Variants in CRACDL observed in about 807,000 individuals in gnomAD.
The protein encoded by CRACDL is CRACD-like protein.
A neutral mutation model predicts 70.6 loss-of-function variants in CRACDL; 26 were observed. That is an observed-to-expected ratio of 0.37 (90% CI 0.27 to 0.51). The LOEUF (loss-of-function observed/expected upper bound fraction) is 0.51, where lower values mean the gene tolerates loss of function less well. CRACDL is among the 20% of genes least tolerant of loss of function. The pLI, the probability that CRACDL is intolerant of heterozygous loss-of-function variation, is 0.94. For missense variants in CRACDL, 1,283 were observed against 1,376.9 expected (o/e 0.93, Z 1.08); for synonymous variants, 618 against 615.2 (o/e 1.00, Z -0.07).
chr2:98,911,595 G>A (rs572926827), intron 1 of CRACDL, among the ~76,000 whole-genome samples: 5 of 152,170 alleles, frequency 3.3e-5, no homozygotes, highest in Admixed American at 1.3e-4. Flanking sequence ...GAAGGGAGGC[G>A]CCTGAAGGAC....
intron 1 of CRACDL, among the ~76,000 whole-genome samples, chr2:98,927,394 C>G (rs1486312916): frequency 6.6e-6 from 1 of 152,150 alleles, no homozygotes; most frequent in African/African-American, 2.4e-5. Context: ...GTCCTGAATT[C>G]CCTGCACTAA....
chr2:98,858,555 C>T (rs1027721853), intron 1 of CRACDL, among the ~76,000 whole-genome samples: 2 of 149,480 alleles, frequency 1.3e-5, no homozygotes, highest in Admixed American at 6.7e-5. Context: ...TCTCAAATCG[C>T]TATCATAACT....
chr2:98,812,079 G>A (rs1050244042), intron 7 of CRACDL, among the ~76,000 whole-genome samples: 6 of 152,172 alleles, frequency 3.9e-5, no homozygotes, highest in South Asian at 2.1e-4. Flanking sequence ...GGGTTCAAGC[G>A]ATTCTCCTGC....
intron 1 of CRACDL, among the ~76,000 whole-genome samples, chr2:98,899,641 A>T (rs1708214482): frequency 6.6e-6 from 1 of 152,232 alleles, no homozygotes; most frequent in Non-Finnish European, 1.5e-5. Context: ...TGGAGTGAAA[A>T]AAAAAGGCAT....
At chr2:98,891,598 T>C (rs1424616573) in intron 1 of CRACDL, among the ~76,000 whole-genome samples, 3 of 152,094 alleles carry the variant, frequency 2.0e-5, no homozygotes, top group Non-Finnish European at 4.4e-5. Flanking sequence ...AGTGAAACAA[T>C]AGCAATCTAA....
Position 98,832,992 on chromosome 2 carries a change from G to C in CRACDL, c.245C>G (p.Ser82Trp). The C allele has an allele frequency of 6.2e-7, 1 of 1,612,114 alleles. No individual in the cohort carries two copies. The highest frequency in any genetic ancestry group is 1.7e-5 in the Admixed American group (1 of 59,656). Residue 82 changes from serine (S) to tryptophan (W), a missense_variant, in exon 4 of 10, where the codon TCG (serine) becomes TGG (tryptophan). Coordinates refer to ENST00000397899, the MANE Select transcript of CRACDL (RefSeq NM_207362.3). ...GYDSEDELEE[S>W]RGTLGSRALS... ...GGCCCGGCTGCCCAGCGTGCCCCTC[G>C]ACTCCCTAGGATAAAAGAGCCACTG...
rs941927576 is a variant in CRACDL at position 98,795,975 on chromosome 2, C to G, written c.2749+145G>C. On this transcript the variant is annotated intron_variant, in intron 9 of 9. Transcript: ENST00000397899. ...ACTAAAATGGATGAGTTTTATGACA[C>G]GTAAATTGTATCTCCGTAAGAGCTG... The G allele has an allele frequency of 1.5e-5, 11 of 756,150 alleles. No homozygotes were observed. In the Admixed American group the frequency reaches 2.2e-4, roughly 15 times the overall value. The allele number at this position is 756,150 out of a possible 1,614,324, so 46.8% of individuals were successfully genotyped here.
intron 5 of CRACDL, among the ~76,000 whole-genome samples, chr2:98,831,990 A>C (rs574507763): frequency 1.6e-4 from 24 of 152,056 alleles, no homozygotes; most frequent in Non-Finnish European, 3.2e-4. Context: ...CACCGGCCAA[A>C]TGTCATGGCA....
At chr2:98,900,329 A>T (rs1299188808) in intron 1 of CRACDL, among the ~76,000 whole-genome samples, 2 of 100,778 alleles carry the variant, frequency 2.0e-5, no homozygotes, top group Admixed American at 2.6e-4. Context: ...AGGGGGACAA[A>T]GGCTCAGTAG....
intron 1 of CRACDL, among the ~76,000 whole-genome samples, chr2:98,887,875 A>G (rs1707841017): frequency 1.3e-5 from 2 of 152,264 alleles, no homozygotes; most frequent in Non-Finnish European, 2.9e-5. Flanking sequence ...AATACTGTGG[A>G]CCAAGAACAC....
In CRACDL at chr2:98,822,656, G is replaced by A; in HGVS notation, c.1617C>T (p.Arg539=). The A allele has an allele frequency of 7.7e-7, 1 of 1,293,464 alleles. No individual in the cohort carries two copies. The highest frequency in any genetic ancestry group is 2.4e-5 in the South Asian group (1 of 42,132). The allele number at this position is 1,293,464 out of a possible 1,614,324, so 80.1% of individuals were successfully genotyped here. A position where few individuals can be genotyped will look rare whatever the true frequency, so the allele number is the denominator to read the frequency against. The part of the protein sequence containing the change: ...SLDAEAAAPE[R]PKAERAEAPP... Reference sequence around the variant, plus strand: ...GCGCCTCGGCTCGCTCGGCCTTGGGGCGCTCCGGGGCGGCGGCCTCTGCGT... The same window carrying A: ...GCGCCTCGGCTCGCTCGGCCTTGGGACGCTCCGGGGCGGCGGCCTCTGCGT... The change falls in exon 7 of 10, where the codon CGC becomes CGT. Residue 539 remains arginine, a synonymous_variant. Coordinates refer to ENST00000397899, the MANE Select transcript of CRACDL (RefSeq NM_207362.3). This position sits in a 1 kb window ranked among gnomAD's most constrained non-coding sequence, Gnocchi z 4.9.
chr2:98,869,065 T>C, intron 1 of CRACDL: 1 of 1,301,784 alleles, frequency 7.7e-7, no homozygotes, highest in Non-Finnish European at 1.0e-6. Flanking sequence ...CTCTTTGCTC[T>C]CAGAGGGCCC....
In CRACDL at chr2:98,794,305, TG is replaced by T; in HGVS notation, c.*226del. ...ACCTTTGGGCACAGGAACTGGTTCC[TG>T]GACTTTTTCAATGTTGTTCTTGTTT... On this transcript the variant is annotated 3_prime_UTR_variant, in exon 10 of 10. Coordinates refer to ENST00000397899, the MANE Select transcript of CRACDL (RefSeq NM_207362.3). The T allele has an allele frequency of 2.3e-6, 1 of 437,422 alleles. No individual in the cohort carries two copies. 27.1% of individuals were successfully genotyped at this position (437,422 alleles called of 1,614,324 possible).
Position 98,797,385 on chromosome 2 carries a change from G to T in CRACDL, c.2569C>A (p.Pro857Thr). Residue 857 changes from proline (P) to threonine (T), a missense_variant, in exon 8 of 10, where the codon CCA becomes ACA. By Grantham distance (38) the Pro-to-Thr change is conservative. Transcript: ENST00000397899. ...KPGARTLKSE[P>T]GKQAKVPERG... ...TCGGGCACCTTGGCTTGCTTTCCTG[G>T]TTCAGACTTCAGGGTCCGTGCCCCA... 1 of 1,614,148 alleles carries T rather than the reference G, an allele frequency of 6.2e-7. No homozygotes were observed. The highest frequency in any genetic ancestry group is 8.5e-7 in the Non-Finnish European group (1 of 1,180,036).
intron 7 of CRACDL, among the ~76,000 whole-genome samples, chr2:98,810,251 A>C (rs1704499445): frequency 6.6e-6 from 1 of 152,206 alleles, no homozygotes; most frequent in Non-Finnish European, 1.5e-5. Context: ...AGCTGGTATC[A>C]GGGGCGGGGC....
Position 98,823,233 on chromosome 2 carries a change from G to A in CRACDL, c.1040C>T (p.Ala347Val), listed in dbSNP as rs779205825. Residue 347 changes from alanine to valine, a missense_variant, in exon 7 of 10, where the codon GCC becomes GTC. Coordinates refer to ENST00000397899, the MANE Select transcript of CRACDL (RefSeq NM_207362.3). The surrounding 1 kb of genome is among the most constrained non-coding windows in gnomAD (Gnocchi z 4.0). ...CGGGGGCTCCACGCGGAGAGTGGGG[G>A]CCGACTCGGGCTCGGCGAGCTCCGG... ...ATPELAEPES[A>V]PTLRVEPPSP... 1.1e-4 allele frequency: 151 copies of A among 1,406,754 alleles called. No homozygotes were observed. The East Asian group carries it at 2.8e-3, about 26-fold the overall frequency. The allele number at this position is 1,406,754 out of a possible 1,614,324, so 87.1% of individuals were successfully genotyped here.
At chr2:98,882,227 A>T (rs1707672288) in intron 1 of CRACDL, among the ~76,000 whole-genome samples, 1 of 152,242 alleles carries the variant, frequency 6.6e-6, no homozygotes, top group South Asian at 2.1e-4. Flanking sequence ...TACTCAGGGC[A>T]CTACTGAACA....
At chr2:98,869,592 G>A (rs1271218288) in intron 1 of CRACDL, among the ~76,000 whole-genome samples, 1 of 152,216 alleles carries the variant, frequency 6.6e-6, no homozygotes, top group Non-Finnish European at 1.5e-5. Context: ...GGAAGAAAGA[G>A]GAATGCTGAG....
At chr2:98,864,929 C>G (rs1239717882) in intron 1 of CRACDL, among the ~76,000 whole-genome samples, 1 of 152,188 alleles carries the variant, frequency 6.6e-6, no homozygotes, top group Non-Finnish European at 1.5e-5. Flanking sequence ...GAAATAAAGA[C>G]ATTTTCAGAA....
Sources: allele counts gnomAD v4.1 joint callset (sites outside exome capture counted in the v4.1 genomes callset), GRCh38; gene constraint gnomAD v4.1.1; non-coding constraint Gnocchi (gnomAD v3.1); transcripts MANE v1.5; gene names NCBI Gene and HGNC (gene_info 2026-07-23, HGNC 2026-07-21).